Variants in RELN observed in about 807,000 individuals in gnomAD.
RELN encodes the protein reelin.
RELN carries 108 observed loss-of-function variants against 427.6 expected under a neutral mutation model. The observed-to-expected ratio is 0.25, with a 90% CI of 0.22 to 0.30. The LOEUF is 0.30. Ranked by LOEUF, RELN falls within the 10% of genes least tolerant of loss-of-function variation. RELN has a pLI of 1.00. For synonymous variants in RELN, 1,524 were observed against 1,513.4 expected, an observed-to-expected ratio of 1.01 and a Z score of -0.16; for missense variants, 3,715 against 4,302.8, an observed-to-expected ratio of 0.86 and a Z score of 3.82.
intron 2 of RELN, among the ~76,000 whole-genome samples, chr7:103,852,812 A>T (rs10250074): frequency 0.14 from 21,313 of 152,058 alleles, 1,688 homozygotes; most frequent in East Asian, 0.27. Flanking sequence ...TATTGGTAGC[A>T]GATTATGTAC....
chr7:103,792,244 T>G (rs1311245820), intron 3 of RELN, among the ~76,000 whole-genome samples: 1 of 152,130 alleles, frequency 6.6e-6, no homozygotes, highest in Non-Finnish European at 1.5e-5. Flanking sequence ...GAACACATGT[T>G]CACAGAGAAA....
In RELN at chr7:103,574,163, G is replaced by A. The variant is rs758393207; in HGVS notation, c.4440C>T (p.Gly1480=). 1.2e-6 allele frequency: 2 copies of A among 1,614,136 alleles called. No homozygotes were observed. The highest frequency in any genetic ancestry group is 2.2e-5 in the East Asian group (1 of 44,880). ...CAGGGCCATTGAAGTAGAGAGATTT[G>A]CCATCGTTAAGTGTTCCACAGCCAG... is the stretch of plus-strand genomic sequence containing the variant. The part of the protein sequence containing the change: ...VGTGCGTLND[G]KSLYFNGPGK... The change falls in exon 30 of 65, where the codon GGC becomes GGT. Residue 1480 remains glycine (G), a synonymous_variant. Coordinates refer to ENST00000428762, the MANE Select transcript of RELN (RefSeq NM_005045.4).
chr7:103,543,529 T>A (rs1229759223), intron 42 of RELN, among the ~76,000 whole-genome samples: 10 of 151,950 alleles, frequency 6.6e-5, no homozygotes. Context: ...GCCTGTCATC[T>A]TGGCTACTTG....
intron 6 of RELN, among the ~76,000 whole-genome samples, chr7:103,729,144 C>T (rs1044902992): frequency 6.6e-6 from 1 of 151,902 alleles, no homozygotes; most frequent in African/African-American, 2.4e-5. Flanking sequence ...GCAATGTTTC[C>T]CCTGTCTGAA....
intron 60 of RELN, among the ~76,000 whole-genome samples, chr7:103,488,247 T>G (rs1828514956): frequency 6.6e-6 from 1 of 152,234 alleles, no homozygotes; most frequent in South Asian, 2.1e-4. Flanking sequence ...TTACTGGCAT[T>G]TAAGTAAGAT....
intron 2 of RELN, among the ~76,000 whole-genome samples, chr7:103,865,132 C>CAAAAAAAAAAAAAAAAAAAAAAA (rs386410871): frequency 1.5e-5 from 1 of 67,198 alleles, no homozygotes; most frequent in African/African-American, 6.4e-5. Context: ...GAAACTGTCT[C>CAAAAAAAAAAAAAAAAAAAAAAA]AAAAAAAAAA....
At chr7:103,931,235 A>G (rs1795858063) in intron 1 of RELN, among the ~76,000 whole-genome samples, 1 of 152,120 alleles carries the variant, frequency 6.6e-6, no homozygotes, top group Non-Finnish European at 1.5e-5. Flanking sequence ...TACGTGTCCA[A>G]TATGTGAATA....
Position 103,794,581 on chromosome 7 carries a change from G to T in RELN, c.474-17954C>A, listed in dbSNP as rs190610837. Among the ~76,000 whole-genome samples, 24 of 152,258 alleles carry T rather than the reference G, an allele frequency of 1.6e-4. No individual in the cohort carries two copies. In the East Asian group the frequency reaches 4.4e-3, roughly 28 times the overall value. On this transcript the variant is annotated intron_variant, in intron 3 of 64. Transcript: ENST00000428762. ...CAGGCAGAAAGAATAATTTTTCACT[G>T]AAGTAGGATTCTCCCATGAGCCAAA... is the stretch of plus-strand genomic sequence containing the variant.
rs1829687344 is a variant in RELN, at chr7:103,520,954, GTTATTTTTTT to G, written c.7668+1058_7668+1067del. On this transcript the variant is annotated intron_variant, in intron 48 of 64. Coordinates refer to ENST00000428762, the MANE Select transcript of RELN (RefSeq NM_005045.4). Reference sequence around the variant, plus strand: ...GAAATAAAGAGCTGGCAGTAAATTTGTTATTTTTTTTTTTTTTTTTTTTTTTTTTTTTTGA... The same window carrying G: ...GAAATAAAGAGCTGGCAGTAAATTTGTTTTTTTTTTTTTTTTTTTTTTTGA... Among the ~76,000 whole-genome samples, 13 of 78,216 alleles carry G rather than the reference GTTATTTTTTT, an allele frequency of 1.7e-4. 1 individual carries two copies. In the South Asian group the frequency reaches 1.8e-3, roughly 11 times the overall value. 51.3% of individuals were successfully genotyped at this position (78,216 alleles called of 152,430 possible). A position where few individuals can be genotyped will look rare whatever the true frequency, so the allele number is the denominator to read the frequency against.
In RELN at chr7:103,824,232, A is replaced by G. The variant is rs1444580042; in HGVS notation, c.473+9305T>C. The stretch of plus-strand genomic sequence containing the variant: ...CTTATTATTTTTATTCTCTCCTTCT[A>G]AAACTTCAATTAGATGTTAATTTCT... On this transcript the variant is annotated intron_variant, in intron 3 of 64. Transcript: ENST00000428762. This position sits in a 1 kb window ranked among gnomAD's most constrained non-coding sequence, Gnocchi z 4.4. Among the ~76,000 whole-genome samples, 1 of 152,048 alleles carries G rather than the reference A, an allele frequency of 6.6e-6. No individual in the cohort carries two copies. Among genetic ancestry groups the G allele is most frequent in the African/African-American group, 2.4e-5 (1 of 41,412 alleles).
intron 2 of RELN, among the ~76,000 whole-genome samples, chr7:103,902,249 C>G (rs956436067): frequency 3.3e-5 from 5 of 151,956 alleles, no homozygotes; most frequent in Non-Finnish European, 7.4e-5. Flanking sequence ...TTATTAGTAA[C>G]AGATTTCTCT....
intron 4 of RELN, among the ~76,000 whole-genome samples, chr7:103,765,543 G>A (rs1240842707): frequency 6.6e-6 from 1 of 152,144 alleles, no homozygotes; most frequent in African/African-American, 2.4e-5. Flanking sequence ...TGAAACAACT[G>A]AATTTTCACA....
At chr7:103,779,441 CT>C (rs1414081241) in intron 3 of RELN, among the ~76,000 whole-genome samples, 1 of 152,004 alleles carries the variant, frequency 6.6e-6, no homozygotes, top group Non-Finnish European at 1.5e-5. Context: ...AATTTACCCC[CT>C]AGGCACTGCT....
chr7:103,605,369 T>C (rs1831793109), intron 22 of RELN, among the ~76,000 whole-genome samples: 1 of 152,166 alleles, frequency 6.6e-6, no homozygotes, highest in Non-Finnish European at 1.5e-5. Context: ...CTGAGTTTCA[T>C]GGATAAACTG....
At chr7:103,750,948 A>G (rs78568238) in intron 5 of RELN, among the ~76,000 whole-genome samples, 3,394 of 152,318 alleles carry the variant, frequency 0.022, 125 homozygotes, top group African/African-American at 0.078. Flanking sequence ...CACCAACTGT[A>G]GAGTTCATAT....
At chr7:103,830,515 G>GA (rs1433516427) in intron 3 of RELN, among the ~76,000 whole-genome samples, 1 of 151,822 alleles carries the variant, frequency 6.6e-6, no homozygotes, top group Non-Finnish European at 1.5e-5. Flanking sequence ...TCAAATGCCA[G>GA]AAGCTGTGTT....
At chr7:103,733,303 A>G (rs2115964205) in intron 6 of RELN, among the ~76,000 whole-genome samples, 1 of 150,588 alleles carries the variant, frequency 6.6e-6, no homozygotes, top group East Asian at 2.0e-4. Context: ...GGTGCTGGAG[A>G]GGATGTGGAG....
At chr7:103,895,139 T>G (rs1159659028) in intron 2 of RELN, among the ~76,000 whole-genome samples, 2 of 152,162 alleles carry the variant, frequency 1.3e-5, no homozygotes, top group East Asian at 3.8e-4. Context: ...TTGGTAATTA[T>G]GCACTGGCAA....
intron 48 of RELN, among the ~76,000 whole-genome samples, chr7:103,521,095 G>C (rs1408539089): frequency 6.8e-6 from 1 of 146,034 alleles, no homozygotes; most frequent in Non-Finnish European, 1.5e-5. Flanking sequence ...TCCTGCCTCA[G>C]CCTCCCGAGT....
Sources: gnomAD v4.1 joint callset for allele counts (sites outside exome capture counted in the v4.1 genomes callset) on GRCh38, gnomAD v4.1.1 for gene constraint, Gnocchi (gnomAD v3.1) non-coding constraint, MANE v1.5 for transcripts, NCBI Gene and HGNC (gene_info 2026-07-23, HGNC 2026-07-21) for gene names.